ISM1: variants seen among roughly 807,000 people sequenced by gnomAD.
ISM1 encodes the protein isthmin 1.
ISM1 carries 25 observed loss-of-function variants against 46.3 expected under a neutral mutation model. The ratio of observed to expected loss-of-function variants is 0.54; its 90% CI spans 0.39 to 0.75. The LOEUF (loss-of-function observed/expected upper bound fraction) is 0.75. ISM1 is among the 30% of genes least tolerant of loss of function. The pLI is 0.00. For synonymous variants in ISM1, 255 were observed against 256.7 expected, an observed-to-expected ratio of 0.99 and a Z score of 0.06; for missense variants, 536 against 625.4, an observed-to-expected ratio of 0.86 and a Z score of 1.52.
At chr20:13,273,315 G>A (rs865819592) in intron 2 of ISM1, among the ~76,000 whole-genome samples, 2 of 151,072 alleles carry the variant, frequency 1.3e-5, no homozygotes, top group African/African-American at 4.9e-5. Context: ...GCTTGTTGAG[G>A]CCTTGAACTC....
At chr20:13,241,329 G>A (rs2039719868) in intron 1 of ISM1, among the ~76,000 whole-genome samples, 1 of 152,092 alleles carries the variant, frequency 6.6e-6, no homozygotes, top group African/African-American at 2.4e-5. Flanking sequence ...TGAACATGTG[G>A]TCAAAAAAGA....
intron 3 of ISM1, among the ~76,000 whole-genome samples, chr20:13,286,215 G>A (rs768979131): frequency 2.6e-4 from 39 of 152,060 alleles, no homozygotes; most frequent in African/African-American, 2.9e-4. Context: ...CGTATGACCC[G>A]CTGCACCTGG....
intron 3 of ISM1, among the ~76,000 whole-genome samples, chr20:13,282,669 C>T (rs2040249939): frequency 6.6e-6 from 1 of 152,186 alleles, no homozygotes; most frequent in African/African-American, 2.4e-5. Flanking sequence ...TAGTATCTTC[C>T]CCATCATTAG....
At position 13,221,737 on chromosome 20, in the gene ISM1, G is replaced by C. The variant is rs1421726420; in HGVS notation, c.-40G>C. 5 of 1,350,108 alleles carry C rather than the reference G, an allele frequency of 3.7e-6. No individual in the cohort carries two copies. In the Admixed American group the frequency reaches 1.4e-4, roughly 37 times the overall value. The allele number at this position is 1,350,108 out of a possible 1,614,324, so 83.6% of individuals were successfully genotyped here. A position where few individuals can be genotyped will look rare whatever the true frequency, so the allele number is the denominator to read the frequency against. On this transcript the variant is annotated 5_prime_UTR_variant, in exon 1 of 6. Coordinates refer to ENST00000262487, the MANE Select transcript of ISM1 (RefSeq NM_080826.2). ...CCCCGGCGTCACCGCCGCCGCCGCC[G>C]GCCGCCGCGCCGGGTCCTAAAGCCG...
At chr20:13,279,579 G>A in intron 2 of ISM1, 55 bp from the exon 3 acceptor site, 1 of 1,546,866 alleles carries the variant, frequency 6.5e-7, no homozygotes, top group Non-Finnish European at 8.8e-7. Context: ...CAAGGGTCAT[G>A]TAGCTTGGAG....
the ISM1 span, among the ~76,000 whole-genome samples, chr20:13,314,820 T>C: frequency 6.6e-6 from 1 of 152,130 alleles, no homozygotes; most frequent in Non-Finnish European, 1.5e-5. Flanking sequence ...CACATATCTA[T>C]ATCTATCTAT....
chr20:13,316,969 T>C, the ISM1 span, among the ~76,000 whole-genome samples: 1 of 151,844 alleles, frequency 6.6e-6, no homozygotes, highest in Admixed American at 6.6e-5. Context: ...AAAAGCCATA[T>C]AGATTGAGAA....
At chr20:13,298,860 C>A in intron 5 of ISM1, 82 bp from the exon 6 acceptor site, 1 of 1,434,396 alleles carries the variant, frequency 7.0e-7, no homozygotes, top group Non-Finnish European at 9.5e-7. Flanking sequence ...TCAGGAGCAG[C>A]CTGGTGTCAC....
chr20:13,225,875 G>A (rs1003059662), intron 1 of ISM1, among the ~76,000 whole-genome samples: 2 of 152,030 alleles, frequency 1.3e-5, no homozygotes, highest in African/African-American at 4.8e-5. Context: ...AACATACATA[G>A]ATATGGATAT....
intron 1 of ISM1, among the ~76,000 whole-genome samples, chr20:13,222,888 C>T (rs890310600): frequency 6.6e-6 from 1 of 152,168 alleles, no homozygotes; most frequent in South Asian, 2.1e-4. Context: ...TCAAACCAGG[C>T]GCGGTGGCTC....
At chr20:13,235,156 G>A (rs1211603018) in intron 1 of ISM1, among the ~76,000 whole-genome samples, 1 of 152,204 alleles carries the variant, frequency 6.6e-6, no homozygotes, top group Non-Finnish European at 1.5e-5. Context: ...CTGAGGTTCA[G>A]TAGATCTAGG....
intron 1 of ISM1, among the ~76,000 whole-genome samples, chr20:13,233,688 G>A (rs146330368): frequency 2.1e-4 from 32 of 152,028 alleles, no homozygotes; most frequent in Non-Finnish European, 4.3e-4. Context: ...CTGGGCACAT[G>A]GGACATAGGA....
intron 2 of ISM1, among the ~76,000 whole-genome samples, chr20:13,276,206 C>T (rs1197019161): frequency 6.6e-6 from 1 of 152,194 alleles, no homozygotes; most frequent in African/African-American, 2.4e-5. Context: ...CCCACTCCCA[C>T]CAGTTTCCAC....
the ISM1 span, among the ~76,000 whole-genome samples, chr20:13,325,079 C>T: frequency 1.3e-5 from 2 of 152,150 alleles, no homozygotes; most frequent in Admixed American, 1.3e-4. Flanking sequence ...GTGTTCCAAC[C>T]AGGGAGCTCC....
downstream of ISM1, among the ~76,000 whole-genome samples, chr20:13,301,030 C>T (rs999253513): frequency 5.3e-5 from 8 of 152,154 alleles, no homozygotes; most frequent in African/African-American, 1.9e-4. Flanking sequence ...GCTCAGAAAA[C>T]ATAAAGACAT....
At chr20:13,267,706 C>A (rs2040058683) in intron 1 of ISM1, among the ~76,000 whole-genome samples, 1 of 152,090 alleles carries the variant, frequency 6.6e-6, no homozygotes, top group Admixed American at 6.5e-5. Flanking sequence ...GACATCTAGG[C>A]AAAATGTTAA....
chr20:13,241,938 G>A (rs541342933), intron 1 of ISM1, among the ~76,000 whole-genome samples: 13 of 152,188 alleles, frequency 8.5e-5, no homozygotes, highest in East Asian at 1.9e-4. Flanking sequence ...GGCAAGCAGA[G>A]TTGAGGGCCG....
the ISM1 span, among the ~76,000 whole-genome samples, chr20:13,307,031 A>G: frequency 5.9e-5 from 9 of 152,122 alleles, no homozygotes; most frequent in South Asian, 2.1e-4. Context: ...TTGGAGGGAG[A>G]GAGAAAGAAC....
At chr20:13,255,993 C>T (rs975354652) in intron 1 of ISM1, among the ~76,000 whole-genome samples, 1 of 151,840 alleles carries the variant, frequency 6.6e-6, no homozygotes, top group Non-Finnish European at 1.5e-5. Context: ...CATGGAAAAC[C>T]GTGAAGATCC....
Sources: gnomAD v4.1 joint callset for allele counts (sites outside exome capture counted in the v4.1 genomes callset) on GRCh38, gnomAD v4.1.1 for gene constraint, MANE v1.5 for transcripts, NCBI Gene and HGNC (gene_info 2026-07-23, HGNC 2026-07-21) for gene names.